Variants in PCDH11X observed in about 807,000 individuals in gnomAD.
The protein encoded by PCDH11X is protocadherin 11 X-linked, also known as protocadherin-11 X-linked.
A neutral mutation model predicts 53.3 loss-of-function variants in PCDH11X; 18 were observed. That is an observed-to-expected ratio of 0.34 (90% confidence interval 0.23 to 0.50). The LOEUF is 0.50. Ranked by LOEUF, PCDH11X falls within the 20% of genes least tolerant of loss-of-function variation. The pLI, the probability that PCDH11X is intolerant of heterozygous loss-of-function variation, is 0.98. For synonymous variants in PCDH11X, 279 were observed against 393.3 expected (o/e 0.71, Z 3.44); for missense variants, 570 against 1,032.4 (o/e 0.55, Z 6.14).
intron 10 of PCDH11X, among the ~76,000 whole-genome samples, chrX:92,542,579 T>G (rs1449504667): frequency 7.2e-5 from 8 of 111,015 alleles, no homozygotes; most frequent in African/African-American, 2.6e-4. Context: ...ATATTATCAA[T>G]GTATGTTTCT....
chrX:91,889,894 C>A (rs191948559), intron 6 of PCDH11X, among the ~76,000 whole-genome samples: 544 of 111,743 alleles, frequency 4.9e-3, no homozygotes, highest in Non-Finnish European at 8.0e-3. Flanking sequence ...TCTAGAATAA[C>A]TGATAACAGT....
chrX:92,597,456 A>G (rs1397369977), intron 10 of PCDH11X, among the ~76,000 whole-genome samples: 3 of 111,842 alleles, frequency 2.7e-5, no homozygotes, highest in Non-Finnish European at 5.7e-5. Context: ...AATACCTAAG[A>G]ATTAACATAA....
chrX:91,964,304 G>A (rs1254516732), intron 6 of PCDH11X, among the ~76,000 whole-genome samples: 8 of 109,836 alleles, frequency 7.3e-5, no homozygotes, highest in Non-Finnish European at 1.1e-4. Context: ...ATATAAAAAA[G>A]AATTCTAAAA....
intron 9 of PCDH11X, among the ~76,000 whole-genome samples, chrX:92,444,078 G>A (rs1233630945): frequency 1.8e-5 from 2 of 111,142 alleles, no homozygotes; most frequent in Non-Finnish European, 3.8e-5. Flanking sequence ...AATGATGTTG[G>A]TACTTTGACA....
chrX:91,969,795 C>CA (rs535187943), intron 6 of PCDH11X, among the ~76,000 whole-genome samples: 1,162 of 72,421 alleles, frequency 0.016, 18 homozygotes, highest in South Asian at 0.069. Context: ...GCCCTTGTCT[C>CA]AAAAAAAAAA....
chrX:92,391,979 T>C (rs2071138752), intron 9 of PCDH11X, among the ~76,000 whole-genome samples: 1 of 111,084 alleles, frequency 9.0e-6, no homozygotes, highest in African/African-American at 3.3e-5. Flanking sequence ...GAGAATGATT[T>C]AGTTTATATC....
intron 10 of PCDH11X, among the ~76,000 whole-genome samples, chrX:92,601,046 A>T (rs778697931): frequency 9.0e-6 from 1 of 110,599 alleles, no homozygotes; most frequent in Admixed American, 9.7e-5. Context: ...CCTCCATTGT[A>T]TCTAGGAAGT....
chrX:92,323,140 T>C (rs2148495301), intron 8 of PCDH11X, among the ~76,000 whole-genome samples: 1 of 110,723 alleles, frequency 9.0e-6, no homozygotes, highest in East Asian at 2.8e-4. Context: ...AGAAAGCCTA[T>C]TTCTTTCTGT....
At chrX:91,817,230 G>A (rs943528872) in intron 4 of PCDH11X, among the ~76,000 whole-genome samples, 5 of 101,240 alleles carry the variant, frequency 4.9e-5, no homozygotes, top group Non-Finnish European at 8.0e-5. Context: ...GTGCATTTTT[G>A]TTCTCTCAGA....
intron 6 of PCDH11X, among the ~76,000 whole-genome samples, chrX:92,193,965 A>C (rs2148312183): frequency 8.9e-6 from 1 of 112,218 alleles, no homozygotes; most frequent in South Asian, 3.7e-4. Context: ...ACGTTTAGAA[A>C]AAATTTTAAT....
chrX:92,565,419 G>C (rs1178217758), intron 10 of PCDH11X, among the ~76,000 whole-genome samples: 2 of 103,111 alleles, frequency 1.9e-5, no homozygotes, highest in Admixed American at 2.2e-4. Context: ...TAAAGAAAAT[G>C]TGATACATAT....
intron 8 of PCDH11X, among the ~76,000 whole-genome samples, chrX:92,335,143 G>T (rs772618349): frequency 9.1e-6 from 1 of 109,920 alleles, no homozygotes; most frequent in African/African-American, 3.3e-5. Flanking sequence ...TTAGCATGAA[G>T]ACAAGGAATT....
At chrX:92,428,381 G>C in intron 9 of PCDH11X, among the ~76,000 whole-genome samples, 1 of 111,382 alleles carries the variant, frequency 9.0e-6, no homozygotes, top group East Asian at 2.9e-4. Context: ...ATTGCTTGAA[G>C]ATAATAGAGT....
At chrX:92,293,031 T>C (rs2068523250) in intron 8 of PCDH11X, among the ~76,000 whole-genome samples, 1 of 104,858 alleles carries the variant, frequency 9.5e-6, no homozygotes, top group African/African-American at 3.5e-5. Context: ...ATGCTGTATA[T>C]GTGTGCACAT....
At chrX:92,599,491 C>T (rs1926002293) in intron 10 of PCDH11X, among the ~76,000 whole-genome samples, 3 of 112,184 alleles carry the variant, frequency 2.7e-5, no homozygotes, top group Non-Finnish European at 5.6e-5. Flanking sequence ...AGTTCCCCTG[C>T]ACATGCTCTC....
intron 6 of PCDH11X, among the ~76,000 whole-genome samples, chrX:91,913,857 C>A (rs1054203056): frequency 3.7e-5 from 4 of 108,594 alleles, no homozygotes; most frequent in Non-Finnish European, 7.7e-5. Context: ...GAAGACAACA[C>A]CTAATTTCAC....
intron 6 of PCDH11X, among the ~76,000 whole-genome samples, chrX:91,958,333 G>A (rs1427594351): frequency 9.0e-6 from 1 of 111,700 alleles, no homozygotes; most frequent in African/African-American, 3.3e-5. Context: ...CTAGGGATAT[G>A]TGCAGATGGA....
chrX:92,032,061 A>G (rs1481064333), intron 6 of PCDH11X, among the ~76,000 whole-genome samples: 1 of 111,827 alleles, frequency 8.9e-6, no homozygotes, highest in South Asian at 3.7e-4. Context: ...TTGAATCTGG[A>G]GATTGCATTG....
At chrX:92,104,166 T>G (rs145294253) in intron 6 of PCDH11X, among the ~76,000 whole-genome samples, 17,580 of 108,287 alleles carry the variant, frequency 0.16, 1,228 homozygotes, top group East Asian at 0.41. Context: ...GGTGGGGGAG[T>G]GCTAGTCACG....
Sources: gnomAD v4.1 joint callset for allele counts (sites outside exome capture counted in the v4.1 genomes callset) on GRCh38, gnomAD v4.1.1 for gene constraint, MANE v1.5 for transcripts, NCBI Gene and HGNC (gene_info 2026-07-23, HGNC 2026-07-21) for gene names.